HMGCLL1: variants seen among roughly 807,000 people sequenced by gnomAD.
HMGCLL1 encodes 3-hydroxy-3-methylglutaryl-CoA lyase like 1, also known as 3-hydroxymethyl-3-methylglutaryl-CoA lyase, cytoplasmic.
A neutral mutation model predicts 39.1 loss-of-function variants in HMGCLL1; 36 were observed. The observed-to-expected ratio is 0.92, with a 90% CI of 0.71 to 1.22. The LOEUF (loss-of-function observed/expected upper bound fraction) is 1.22. Ranked by LOEUF, HMGCLL1 falls within the 50% of genes most tolerant of loss-of-function variation. The probability of loss-of-function intolerance (pLI) is 0.00; values close to 1 mark genes in which losing one functional copy is unlikely to be tolerated. For synonymous variants in HMGCLL1, 149 were observed against 144.0 expected, an observed-to-expected ratio of 1.03 and a Z score of -0.25; for missense variants, 451 against 416.5, an observed-to-expected ratio of 1.08 and a Z score of -0.72.
At chr6:55,488,159 G>A (rs1766137812) in intron 7 of HMGCLL1, among the ~76,000 whole-genome samples, 1 of 152,062 alleles carries the variant, frequency 6.6e-6, no homozygotes, top group African/African-American at 2.4e-5. Context: ...GGAGGACAGA[G>A]GGTACTATGA....
chr6:55,480,783 T>C (rs1487378711), intron 7 of HMGCLL1, among the ~76,000 whole-genome samples: 4 of 151,856 alleles, frequency 2.6e-5, no homozygotes, highest in Non-Finnish European at 4.4e-5. Context: ...ATAGACACAA[T>C]GGAATACTAT....
chr6:55,555,836 A>G (rs569155220), intron 1 of HMGCLL1, among the ~76,000 whole-genome samples: 1 of 152,328 alleles, frequency 6.6e-6, no homozygotes, highest in East Asian at 1.9e-4. Context: ...TTTCGACAAA[A>G]GGAAGATTGA....
At chr6:55,468,118 G>C (rs1027201506) in intron 7 of HMGCLL1, among the ~76,000 whole-genome samples, 1 of 151,934 alleles carries the variant, frequency 6.6e-6, no homozygotes, top group African/African-American at 2.4e-5. Flanking sequence ...ACCTAACAAG[G>C]GTTGGGATCT....
rs1763308117 is a variant in HMGCLL1, at chr6:55,434,867, G to A, written c.*795C>T. 2.0e-5 allele frequency: 3 copies of A among 152,020 alleles called. No homozygotes were observed. The highest frequency in any genetic ancestry group is 2.0e-4 in the Admixed American group (3 of 15,218). The allele number at this position is 152,020 out of a possible 1,614,324, so 9.4% of individuals were successfully genotyped here. A position where few individuals can be genotyped will look rare whatever the true frequency, so the allele number is the denominator to read the frequency against. ...TCTGAAAATTATAAAGGTAGATTAT[G>A]ATACATGTATCAACCTATTCTTATC... On this transcript the variant is annotated 3_prime_UTR_variant, in exon 9 of 9. Coordinates refer to ENST00000274901, the MANE Select transcript of HMGCLL1 (RefSeq NM_001042406.2).
chr6:55,568,785 T>A (rs1771334188), intron 1 of HMGCLL1, among the ~76,000 whole-genome samples: 1 of 152,058 alleles, frequency 6.6e-6, no homozygotes, highest in Admixed American at 6.6e-5. Context: ...ATGGGTCATA[T>A]GAGAGTAACC....
the HMGCLL1 span, among the ~76,000 whole-genome samples, chr6:55,618,965 CTTAGGAAG>C: frequency 6.6e-6 from 1 of 151,980 alleles, no homozygotes; most frequent in Non-Finnish European, 1.5e-5. Flanking sequence ...TGCAACTTTT[CTTAGGAAG>C]TTACTAAAGG....
intron 1 of HMGCLL1, among the ~76,000 whole-genome samples, chr6:55,555,095 C>T (rs1301185323): frequency 6.6e-6 from 1 of 152,184 alleles, no homozygotes; most frequent in Admixed American, 6.5e-5. Context: ...AGAGAAAAAT[C>T]CAAAGTCTTT....
chr6:55,534,881 T>A (rs140759502), intron 3 of HMGCLL1, among the ~76,000 whole-genome samples: 98 of 152,360 alleles, frequency 6.4e-4, no homozygotes, highest in African/African-American at 2.3e-3. Context: ...TTTGAATATA[T>A]ACATTTGCAC....
chr6:55,665,095 C>T, the HMGCLL1 span, among the ~76,000 whole-genome samples: 1 of 151,720 alleles, frequency 6.6e-6, no homozygotes, highest in Non-Finnish European at 1.5e-5. Context: ...AGTACAATTA[C>T]TAGGGAATAG....
intron 7 of HMGCLL1, among the ~76,000 whole-genome samples, chr6:55,482,359 AAT>A (rs1765793376): frequency 6.6e-6 from 1 of 152,118 alleles, no homozygotes; most frequent in Non-Finnish European, 1.5e-5. Flanking sequence ...AGCAAATAAA[AAT>A]AGTCTTCCTT....
intron 3 of HMGCLL1, among the ~76,000 whole-genome samples, chr6:55,531,588 C>T (rs554622014): frequency 6.6e-6 from 1 of 152,196 alleles, no homozygotes; most frequent in Admixed American, 6.5e-5. Context: ...TAAGGTAAAG[C>T]AGTGGTACCC....
chr6:55,543,169 T>C (rs1219901829), intron 1 of HMGCLL1, among the ~76,000 whole-genome samples: 158 of 7,438 alleles, frequency 0.021, 44 homozygotes, highest in Admixed American at 0.082. Flanking sequence ...ATATATATAA[T>C]ATATAATATA....
the HMGCLL1 span, among the ~76,000 whole-genome samples, chr6:55,658,884 A>G: frequency 1.3e-5 from 2 of 151,952 alleles, no homozygotes; most frequent in Non-Finnish European, 2.9e-5. Context: ...AGGATAGAAT[A>G]TCAAAGCACA....
intron 1 of HMGCLL1, among the ~76,000 whole-genome samples, chr6:55,577,912 G>A (rs1581971426): frequency 6.6e-6 from 1 of 152,188 alleles, no homozygotes; most frequent in Non-Finnish European, 1.5e-5. Context: ...TTTAAGTAAC[G>A]AGAAACAAAA....
At chr6:55,455,182 T>C (rs1299299436) in intron 7 of HMGCLL1, among the ~76,000 whole-genome samples, 1 of 152,210 alleles carries the variant, frequency 6.6e-6, no homozygotes, top group Non-Finnish European at 1.5e-5. Flanking sequence ...CACATTCTTA[T>C]TGTTAATTTC....
intron 7 of HMGCLL1, among the ~76,000 whole-genome samples, chr6:55,474,556 C>T (rs1471128307): frequency 6.6e-6 from 1 of 151,550 alleles, no homozygotes; most frequent in African/African-American, 2.4e-5. Context: ...AATCCCTTCA[C>T]ATATTAGTCA....
At chr6:55,592,268 A>G in the HMGCLL1 span, among the ~76,000 whole-genome samples, 1 of 151,922 alleles carries the variant, frequency 6.6e-6, no homozygotes, top group Admixed American at 6.6e-5. Flanking sequence ...ACCATTTATT[A>G]CCCTAATTTT....
chr6:55,556,742 C>A (rs1037222610), intron 1 of HMGCLL1, among the ~76,000 whole-genome samples: 2 of 151,980 alleles, frequency 1.3e-5, no homozygotes, highest in African/African-American at 4.8e-5. Flanking sequence ...ATAATCTAGA[C>A]GAGAGATGAC....
intron 3 of HMGCLL1, among the ~76,000 whole-genome samples, chr6:55,539,742 C>T (rs1769237191): frequency 6.7e-6 from 1 of 149,864 alleles, no homozygotes; most frequent in Non-Finnish European, 1.5e-5. Flanking sequence ...GGAAAAATAA[C>T]TAAAGGATAC....
Sources: allele counts gnomAD v4.1 joint callset (sites outside exome capture counted in the v4.1 genomes callset), GRCh38; gene constraint gnomAD v4.1.1; transcripts MANE v1.5; gene names NCBI Gene and HGNC (gene_info 2026-07-23, HGNC 2026-07-21).